The following TNFRSF10B variants were observed in gnomAD, a reference collection of about 807,000 sequenced individuals.
TNFRSF10B encodes the protein tumor necrosis factor receptor superfamily member 10B.
TNFRSF10B carries 35 observed loss-of-function variants against 41.4 expected under a neutral mutation model. The observed-to-expected ratio is 0.85, with a 90% CI of 0.65 to 1.12. The LOEUF is 1.12. Among genes scored for constraint, TNFRSF10B ranks in the 50% most tolerant of loss-of-function variants. The probability of loss-of-function intolerance (pLI) is 0.00; values close to 1 mark genes in which losing one functional copy is unlikely to be tolerated. For synonymous variants in TNFRSF10B, 230 were observed against 215.5 expected (o/e 1.07, Z -0.59); for missense variants, 584 against 552.7 (o/e 1.06, Z -0.57).
At position 23,028,476 on chromosome 8, in the gene TNFRSF10B, G is replaced by C. The variant is rs1476740097; in HGVS notation, c.603C>G (p.Ser201Arg). The change falls in exon 5 of 9, where the codon AGC (serine) becomes AGG (arginine). Residue 201 changes from serine (S) to arginine (R), a missense_variant. Coordinates refer to ENST00000276431, the MANE Select transcript of TNFRSF10B (RefSeq NM_003842.5). ...VPAVEETVTS[S>R]PGTPASPCSL... is the part of the protein sequence containing the mutation. ...AACAGGGAGAGGCAGGAGTCCCTGG[G>C]CTGGAGGTCACCGTCTCCTCCACAG... The C allele has an allele frequency of 6.2e-7, 1 of 1,614,180 alleles. No individual in the cohort carries two copies. The highest frequency in any genetic ancestry group is 1.1e-5 in the South Asian group (1 of 91,090).
intron 2 of TNFRSF10B, among the ~76,000 whole-genome samples, chr8:23,039,447 T>C (rs1812109871): frequency 6.6e-6 from 1 of 152,072 alleles, no homozygotes; most frequent in Non-Finnish European, 1.5e-5. Flanking sequence ...CAGAACACCC[T>C]CTTTCTTGGT....
At chr8:23,028,264 G>C in intron 5 of TNFRSF10B, 67 bp downstream of exon 5, 1 of 1,608,594 alleles carries the variant, frequency 6.2e-7, no homozygotes, top group South Asian at 1.1e-5. Flanking sequence ...GTTTCTGTCT[G>C]TGGGAATAGG....
Position 23,021,139 on chromosome 8 carries a change from A to G in TNFRSF10B, c.*1532T>C, listed in dbSNP as rs1254356142. 2.2e-6 allele frequency: 1 copy of G among 454,122 alleles called. No individual in the cohort carries two copies. The highest frequency in any genetic ancestry group is 1.6e-5 in the South Asian group (1 of 64,480). The allele number at this position is 454,122 out of a possible 1,614,324, so 28.1% of individuals were successfully genotyped here. The stretch of plus-strand genomic sequence containing the variant: ...TAAATGATCCTTCCATGACTGAAAT[A>G]CTATGGAGAAGGGTTTGCTGGAAAG... On this transcript the variant is annotated 3_prime_UTR_variant, in exon 9 of 9. Transcript: ENST00000276431.
At chr8:23,062,365 T>G (rs772537414) in intron 1 of TNFRSF10B, among the ~76,000 whole-genome samples, 5 of 152,034 alleles carry the variant, frequency 3.3e-5, no homozygotes, top group Admixed American at 1.3e-4. Flanking sequence ...GGATCACAGG[T>G]GTGCTCCCCC....
intron 1 of TNFRSF10B, among the ~76,000 whole-genome samples, chr8:23,055,512 T>C (rs1292567566): frequency 9.5e-5 from 10 of 105,696 alleles, no homozygotes; most frequent in Non-Finnish European, 2.0e-4. Context: ...AAGTTAACTA[T>C]TAAATGCTTA....
chr8:23,049,641 A>C (rs545458474), intron 1 of TNFRSF10B: 2 of 152,384 alleles, frequency 1.3e-5, no homozygotes, highest in Admixed American at 6.5e-5. Flanking sequence ...GAAGGGATAT[A>C]AACTCTGAAA....
chr8:23,052,564 G>A (rs536101019), intron 1 of TNFRSF10B, among the ~76,000 whole-genome samples: 32 of 152,216 alleles, frequency 2.1e-4, no homozygotes, highest in African/African-American at 4.8e-4. Flanking sequence ...GGGATTACAC[G>A]CGTGAGCCAC....
chr8:23,032,623 A>C (rs1448174361), intron 2 of TNFRSF10B, among the ~76,000 whole-genome samples: 3 of 152,180 alleles, frequency 2.0e-5, no homozygotes, highest in Non-Finnish European at 4.4e-5. Flanking sequence ...GTAATTTAAC[A>C]CCATTTTGAT....
intron 1 of TNFRSF10B, among the ~76,000 whole-genome samples, chr8:23,064,403 C>T (rs1011168485): frequency 1.3e-5 from 2 of 152,184 alleles, no homozygotes; most frequent in African/African-American, 4.8e-5. Flanking sequence ...CTGTGCAGGA[C>T]GAGGCTGTGC....
chr8:23,050,448 G>C (rs1812493237), intron 1 of TNFRSF10B, among the ~76,000 whole-genome samples: 1 of 152,178 alleles, frequency 6.6e-6, no homozygotes, highest in East Asian at 1.9e-4. Flanking sequence ...TCCAAAATGT[G>C]TATGTGCATA....
chr8:23,048,870 G>C lies in TNFRSF10B; in HGVS notation c.145-5627C>G, dbSNP rs149210154. Among the ~76,000 whole-genome samples the C allele has an allele frequency of 7.6e-3, 1,152 of 152,246 alleles. 19 individuals are homozygous for C. The highest frequency in any genetic ancestry group is 0.026 in the African/African-American group (1,086 of 41,536). On this transcript the variant is annotated intron_variant, in intron 1 of 8. Transcript: ENST00000276431. ...TCCTGCCTCAGCCTCTCAAAGTGCT[G>C]AGATTACAGGCATGAGCCACTGTGC... is the stretch of plus-strand genomic sequence containing the variant.
chr8:23,029,535 G>C, intron 4 of TNFRSF10B, 75 bp downstream of exon 4: 3 of 1,431,094 alleles, frequency 2.1e-6, no homozygotes, highest in Admixed American at 2.0e-5. Context: ...TGTCAGGGGA[G>C]AGACAGGGGT....
chr8:23,036,412 C>T (rs921119969), intron 2 of TNFRSF10B, among the ~76,000 whole-genome samples: 2 of 152,196 alleles, frequency 1.3e-5, no homozygotes, highest in African/African-American at 4.8e-5. Context: ...CACTTATGGC[C>T]TCATGAGGAA....
rs144596246 is a variant in TNFRSF10B at position 23,041,265 on chromosome 8, C to A, written c.250+1873G>T. Among the ~76,000 whole-genome samples the A allele has an allele frequency of 1.2e-4, 19 of 152,270 alleles. No individual in the cohort carries two copies. The East Asian group carries it at 3.7e-3, about 29-fold the overall frequency. On this transcript the variant is annotated intron_variant, in intron 2 of 8. Coordinates refer to ENST00000276431, the MANE Select transcript of TNFRSF10B (RefSeq NM_003842.5). ...AGAAACAGGGTTTCGCCATGTTGGT[C>A]AGGCTGGTGTCAAACTCCTGGCCTC...
chr8:23,061,223 A>T (rs1198344356), intron 1 of TNFRSF10B, among the ~76,000 whole-genome samples: 5 of 152,216 alleles, frequency 3.3e-5, no homozygotes, highest in African/African-American at 1.2e-4. Context: ...AACAGCTCTG[A>T]TTGCCTTTAA....
Position 23,020,353 on chromosome 8 carries a change from C to G in TNFRSF10B, c.*2318G>C, listed in dbSNP as rs1456189148. 4.4e-6 allele frequency: 2 copies of G among 453,914 alleles called. No homozygotes were observed. The highest frequency in any genetic ancestry group is 8.8e-6 in the Non-Finnish European group (2 of 226,774). The allele number at this position is 453,914 out of a possible 1,614,324, so 28.1% of individuals were successfully genotyped here. ...GGGGATATAGCAAAGCCTAATGTAA[C>G]TAAACAACAAAACCCCCAATTATTT... On this transcript the variant is annotated 3_prime_UTR_variant, in exon 9 of 9. Transcript: ENST00000276431.
At chr8:23,067,939 A>T (rs1319946539) in intron 1 of TNFRSF10B, among the ~76,000 whole-genome samples, 1 of 152,154 alleles carries the variant, frequency 6.6e-6, no homozygotes, top group Non-Finnish European at 1.5e-5. Flanking sequence ...GCGCAGTTCC[A>T]GGCGCTGAGC....
intron 3 of TNFRSF10B, 34 bp downstream of exon 3, chr8:23,030,725 C>G: frequency 6.5e-7 from 1 of 1,543,404 alleles, no homozygotes; most frequent in Non-Finnish European, 8.9e-7. Context: ...ACCCCGCATT[C>G]CACCTTTAGG....
chr8:23,058,224 G>T (rs1812725628), intron 1 of TNFRSF10B, among the ~76,000 whole-genome samples: 1 of 152,070 alleles, frequency 6.6e-6, no homozygotes, highest in Non-Finnish European at 1.5e-5. Flanking sequence ...TCCAGCCTGG[G>T]TAATAGACCA....
Sources: gnomAD v4.1 joint callset for allele counts (sites outside exome capture counted in the v4.1 genomes callset) on GRCh38, gnomAD v4.1.1 for gene constraint, MANE v1.5 for transcripts, NCBI Gene and HGNC (gene_info 2026-07-23, HGNC 2026-07-21) for gene names.